Variants in ALG13 observed in about 807,000 individuals in gnomAD.
ALG13 encodes the protein UDP-N-acetylglucosamine transferase subunit ALG13.
ALG13 carries 11 observed loss-of-function variants against 87.8 expected under a neutral mutation model. The ratio of observed to expected loss-of-function variants is 0.13; its 90% CI spans 0.08 to 0.21. The LOEUF is 0.21. Ranked by LOEUF, ALG13 falls within the 10% of genes least tolerant of loss-of-function variation. ALG13 has a pLI of 1.00. For synonymous variants in ALG13, 320 were observed against 306.3 expected, an observed-to-expected ratio of 1.04 and a Z score of -0.47; for missense variants, 756 against 866.1, an observed-to-expected ratio of 0.87 and a Z score of 1.60.
At chrX:111,699,628 T>C (rs1937459716) in intron 3 of ALG13, among the ~76,000 whole-genome samples, 1 of 112,126 alleles carries the variant, frequency 8.9e-6, no homozygotes, top group Non-Finnish European at 1.9e-5. Flanking sequence ...CCCAACCCCA[T>C]TTATTGACAA....
intron 26 of ALG13, 49 bp downstream of exon 26, chrX:111,757,811 G>A (rs207478741): frequency 9.0e-7 from 1 of 1,109,353 alleles, no homozygotes; most frequent in Non-Finnish European, 1.2e-6. Context: ...GGATTTTATT[G>A]TGTGTAATTC....
At chrX:111,732,404 T>G (rs182476758) in intron 21 of ALG13, among the ~76,000 whole-genome samples, 34 of 112,377 alleles carry the variant, frequency 3.0e-4, no homozygotes, top group African/African-American at 1.1e-3. Context: ...CTTGCTAATG[T>G]TATATAGTTC....
chrX:111,704,728 T>C (rs1938451609), intron 3 of ALG13, among the ~76,000 whole-genome samples: 1 of 111,701 alleles, frequency 9.0e-6, no homozygotes, highest in Admixed American at 9.5e-5. Context: ...AGTTTTATTT[T>C]GGGATAAAGA....
chrX:111,742,279 T>C (rs1943820301), intron 23 of ALG13, among the ~76,000 whole-genome samples: 1 of 110,973 alleles, frequency 9.0e-6, no homozygotes, highest in Admixed American at 9.6e-5. Context: ...TGACTGCTAA[T>C]CTGCCAGGTA....
At chrX:111,698,384 A>G (rs749394961) in intron 3 of ALG13, among the ~76,000 whole-genome samples, 14 of 111,621 alleles carry the variant, frequency 1.3e-4, no homozygotes, top group African/African-American at 4.6e-4. Context: ...GAGAAATTTG[A>G]AATTCTTATT....
intron 3 of ALG13, among the ~76,000 whole-genome samples, chrX:111,695,933 T>C (rs904063392): frequency 1.8e-5 from 2 of 111,480 alleles, no homozygotes; most frequent in African/African-American, 6.5e-5. Flanking sequence ...ATTACCATTA[T>C]ATTTTCAGTA....
At chrX:111,691,695 A>G (rs1373632494) in intron 3 of ALG13, among the ~76,000 whole-genome samples, 1 of 111,751 alleles carries the variant, frequency 8.9e-6, no homozygotes, top group Non-Finnish European at 1.9e-5. Context: ...AAATCAGAGG[A>G]TTTTCCTAAG....
At chrX:111,712,588 T>A in intron 7 of ALG13, 58 bp downstream of exon 7, 1 of 675,097 alleles carries the variant, frequency 1.5e-6, no homozygotes, top group South Asian at 4.1e-5. Context: ...GTGTATAAGA[T>A]CTCAACGGTC....
In ALG13 at chrX:111,738,564, G is replaced by A. The variant is rs185700053; in HGVS notation, c.2695+1685G>A. Among the ~76,000 whole-genome samples, 78 of 111,549 alleles carry A rather than the reference G, an allele frequency of 7.0e-4. 1 individual carries two copies. The East Asian group carries it at 0.018, about 25-fold the overall frequency. On this transcript the variant is annotated intron_variant, in intron 23 of 26. Coordinates refer to ENST00000394780, the MANE Select transcript of ALG13 (RefSeq NM_001099922.3). The stretch of plus-strand genomic sequence containing the variant: ...TTTAAATTTTTTTTGTTTGAGACGG[G>A]GTATTGCTCTGTCACCAAGGCTGGA...
chrX:111,744,116 A>G (rs1436199381), intron 23 of ALG13, among the ~76,000 whole-genome samples: 1 of 111,577 alleles, frequency 9.0e-6, no homozygotes, highest in East Asian at 2.8e-4. Context: ...GGGATAAGAT[A>G]TTGTATCTAA....
Position 111,728,218 on chromosome X carries a change from A to G in ALG13, c.2281A>G (p.Thr761Ala), listed in dbSNP as rs1942279912. The change falls in exon 19 of 27, where the codon ACT becomes GCT. Residue 761 changes from threonine to alanine, a missense_variant. By Grantham distance (58) the Thr-to-Ala change is moderately conservative. Around this residue, in one of 9 missense-constraint regions of ALG13, gnomAD observed 362 missense variants for 383.5 expected, o/e 0.94. Transcript: ENST00000394780. ...AGGTCCCTCTACAATGGTTCCTGCT[A>G]CTTCAGGATACTGTGTTGGAAGGCG... ...HGGPSTMVPA[T>A]SGYCVGRRGH... 8.3e-7 allele frequency: 1 copy of G among 1,210,634 alleles called. No individual in the cohort carries two copies. The highest frequency in any genetic ancestry group is 1.1e-6 in the Non-Finnish European group (1 of 894,669).
At position 111,704,529 on chromosome X, in the gene ALG13, C is replaced by T. The variant is rs969558388; in HGVS notation, c.384-3498C>T. Among the ~76,000 whole-genome samples, 4 of 111,682 alleles carry T rather than the reference C, an allele frequency of 3.6e-5. No individual in the cohort carries two copies. In the South Asian group the frequency reaches 1.1e-3, roughly 31 times the overall value. On this transcript the variant is annotated intron_variant, in intron 3 of 26. Transcript: ENST00000394780. Reference sequence around the variant, plus strand: ...GAACTATGTAGTGATGCACCATGCTCCAACATGGGTGGACTTTGAAAACCT... The same window carrying T: ...GAACTATGTAGTGATGCACCATGCTTCAACATGGGTGGACTTTGAAAACCT...
Position 111,737,317 on chromosome X carries a change from C to A in ALG13, c.2695+438C>A, listed in dbSNP as rs73544226. Among the ~76,000 whole-genome samples, 1,003 of 111,975 alleles carry A rather than the reference C, an allele frequency of 9.0e-3. 16 individuals are homozygous for A. Among genetic ancestry groups the A allele is most frequent in the African/African-American group, 0.03 (921 of 30,859 alleles). On this transcript the variant is annotated intron_variant, in intron 23 of 26. Transcript: ENST00000394780. ...GAATTTAAAAGATCTGGGTTAGAAT[C>A]CTGGTTTTACAACTTATTGTGTAAT... is the stretch of plus-strand genomic sequence containing the variant.
intron 5 of ALG13, 69 bp downstream of exon 5, chrX:111,709,117 C>T (rs868807665): frequency 3.2e-6 from 2 of 628,978 alleles, no homozygotes; most frequent in Middle Eastern, 3.4e-4. Flanking sequence ...ATTGTGAGCA[C>T]CTACCAAAAT....
chrX:111,721,839 T>G (rs1294052635), intron 12 of ALG13, 128 bp downstream of exon 12: 11 of 425,142 alleles, frequency 2.6e-5, no homozygotes, highest in Non-Finnish European at 3.7e-5. Context: ...TTATCTTACT[T>G]TATATATGAT....
chrX:111,710,736 A>G (rs762369723), intron 5 of ALG13, among the ~76,000 whole-genome samples: 103 of 111,841 alleles, frequency 9.2e-4, no homozygotes, highest in African/African-American at 3.1e-3. Context: ...TTGCTCTTTC[A>G]CCCAGGCTGG....
At chrX:111,690,441 G>T (rs1269353375) in intron 3 of ALG13, 18 of 706,066 alleles carry the variant, frequency 2.5e-5, no homozygotes, top group Non-Finnish European at 3.0e-5. Context: ...GGGAATTAAG[G>T]ATTTTAGATA....
intron 3 of ALG13, among the ~76,000 whole-genome samples, chrX:111,701,792 A>G (rs1263365434): frequency 9.0e-6 from 1 of 111,404 alleles, no homozygotes; most frequent in Non-Finnish European, 1.9e-5. Flanking sequence ...TTTTTAGTGT[A>G]GGCATTTACC....
At chrX:111,722,326 A>G (rs764492241) in intron 12 of ALG13, among the ~76,000 whole-genome samples, 1 of 111,802 alleles carries the variant, frequency 8.9e-6, no homozygotes, top group South Asian at 3.7e-4. Flanking sequence ...TAAGATAACT[A>G]AAGTGATCAA....
Sources: gnomAD v4.1 joint callset for allele counts (sites outside exome capture counted in the v4.1 genomes callset) on GRCh38, gnomAD v4.1.1 for gene constraint, gnomAD v4.1.1 regional missense constraint, MANE v1.5 for transcripts, NCBI Gene and HGNC (gene_info 2026-07-23, HGNC 2026-07-21) for gene names.